The following REEP5 variants were observed in gnomAD, a reference collection of about 807,000 sequenced individuals.
REEP5 encodes receptor expression-enhancing protein 5.
A neutral mutation model predicts 22.4 loss-of-function variants in REEP5; 24 were observed. The observed-to-expected ratio is 1.07, with a 90% CI of 0.78 to 1.51. The LOEUF is 1.51. Among genes scored for constraint, REEP5 ranks in the 40% most tolerant of loss-of-function variants. The pLI, the probability that REEP5 is intolerant of heterozygous loss-of-function variation, is 0.00. For synonymous variants in REEP5, 103 were observed against 88.6 expected, an observed-to-expected ratio of 1.16 and a Z score of -0.92; for missense variants, 252 against 233.0, an observed-to-expected ratio of 1.08 and a Z score of -0.53.
rs141710878 is a variant in REEP5 at position 112,894,159 on chromosome 5, G to A, written c.352-6976C>T. The A allele has an allele frequency of 2.1e-5, 3 of 142,608 alleles. No homozygotes were observed. The Admixed American group carries it at 2.2e-4, about 11-fold the overall frequency. The allele number at this position is 142,608 out of a possible 1,614,324, so 8.8% of individuals were successfully genotyped here. ...TTTTTTTGAGACGGAGTCTTGCTCTGTTGCCAGGCGGGAGTGCAGTGGCGT... is the reference window on the plus strand; with the variant it reads ...TTTTTTTGAGACGGAGTCTTGCTCTATTGCCAGGCGGGAGTGCAGTGGCGT... On this transcript the variant is annotated intron_variant, in intron 3 of 4. Transcript: ENST00000379638.
chr5:112,918,415 T>C (rs1769277590), intron 2 of REEP5, among the ~76,000 whole-genome samples: 2 of 152,138 alleles, frequency 1.3e-5, no homozygotes, highest in African/African-American at 4.8e-5. Context: ...GGAGAAAAGC[T>C]AGGAAGCCAA....
chr5:112,887,748 A>G (rs913980267), intron 3 of REEP5, among the ~76,000 whole-genome samples: 3 of 152,112 alleles, frequency 2.0e-5, no homozygotes, highest in African/African-American at 7.2e-5. Context: ...GAATGTAGTT[A>G]TTATTCCTAA....
rs953597585 is a variant in REEP5, at chr5:112,887,491, A to G, written c.352-308T>C. On this transcript the variant is annotated intron_variant, in intron 3 of 4. Coordinates refer to ENST00000379638, the MANE Select transcript of REEP5 (RefSeq NM_005669.5). Reference sequence around the variant, plus strand: ...TAGCTGTAAGAGGCTTTTATTAATCATAACTCTTAGAAATCAATTTAAGAA... The same window carrying G: ...TAGCTGTAAGAGGCTTTTATTAATCGTAACTCTTAGAAATCAATTTAAGAA... Among the ~76,000 whole-genome samples, 5 of 152,326 alleles carry G rather than the reference A, an allele frequency of 3.3e-5. No homozygotes were observed. In the South Asian group the frequency reaches 6.2e-4, roughly 19 times the overall value.
At position 112,893,113 on chromosome 5, in the gene REEP5, A is replaced by G. The variant is rs761203249; in HGVS notation, c.352-5930T>C. The G allele has an allele frequency of 7.1e-6, 6 of 844,446 alleles. No individual in the cohort carries two copies. In the Admixed American group the frequency reaches 1.5e-4, roughly 21 times the overall value. 52.3% of individuals were successfully genotyped at this position (844,446 alleles called of 1,614,324 possible). Reference sequence around the variant, plus strand: ...TGTTCTTAAAAAAAAAAAAAAAAAAAAAAAGAATGGACCAGGCCAGGTATA... The same window carrying G: ...TGTTCTTAAAAAAAAAAAAAAAAAAGAAAAGAATGGACCAGGCCAGGTATA... On this transcript the variant is annotated intron_variant, in intron 3 of 4. Coordinates refer to ENST00000379638, the MANE Select transcript of REEP5 (RefSeq NM_005669.5).
chr5:112,890,194 G>A (rs995096014), intron 3 of REEP5, among the ~76,000 whole-genome samples: 2 of 150,290 alleles, frequency 1.3e-5, no homozygotes, highest in African/African-American at 5.0e-5. Context: ...GGAGGTTGAG[G>A]TGGGAGGGTG....
At chr5:112,880,631 G>T (rs1366996813) in intron 4 of REEP5, among the ~76,000 whole-genome samples, 2 of 152,190 alleles carry the variant, frequency 1.3e-5, no homozygotes, top group Non-Finnish European at 2.9e-5. Context: ...AAATGTGGCA[G>T]CATGTAAATT....
intron 3 of REEP5, chr5:112,892,964 G>T: frequency 6.3e-7 from 1 of 1,594,798 alleles, no homozygotes; most frequent in Non-Finnish European, 8.6e-7. Context: ...GGCCGCCGGA[G>T]CCAGAGCCGC....
intron 3 of REEP5, among the ~76,000 whole-genome samples, chr5:112,902,017 T>A (rs1768860904): frequency 6.7e-6 from 1 of 149,580 alleles, no homozygotes; most frequent in South Asian, 2.1e-4. Context: ...GAATTATATA[T>A]CCATAATTAA....
intron 3 of REEP5, chr5:112,895,819 T>C (rs1768664293): frequency 6.6e-6 from 1 of 152,206 alleles, no homozygotes; most frequent in Non-Finnish European, 1.5e-5. Flanking sequence ...ATCTGGCTCT[T>C]TTCAATCAAG....
intron 4 of REEP5, among the ~76,000 whole-genome samples, chr5:112,880,504 CT>C (rs1768038536): frequency 6.6e-6 from 1 of 152,192 alleles, no homozygotes; most frequent in South Asian, 2.1e-4. Flanking sequence ...GTTGCTCTCC[CT>C]TTGCTCAGTT....
At chr5:112,908,307 T>C (rs951800256) in intron 2 of REEP5, among the ~76,000 whole-genome samples, 29 of 152,012 alleles carry the variant, frequency 1.9e-4, no homozygotes, top group Admixed American at 1.6e-3. Flanking sequence ...TTCACCATGT[T>C]GGCCAAGTTG....
At chr5:112,889,810 C>T (rs1013401816) in intron 3 of REEP5, among the ~76,000 whole-genome samples, 1 of 144,690 alleles carries the variant, frequency 6.9e-6, no homozygotes, top group Non-Finnish European at 1.5e-5. Flanking sequence ...AGGGAGACCA[C>T]ATCTCTAGGA....
chr5:112,901,526 T>G (rs964942631), intron 3 of REEP5, among the ~76,000 whole-genome samples: 4 of 151,848 alleles, frequency 2.6e-5, no homozygotes, highest in Admixed American at 6.6e-5. Flanking sequence ...CTGGCCAACA[T>G]GGTGAAACTC....
At chr5:112,904,661 C>T (rs1768916951) in intron 2 of REEP5, among the ~76,000 whole-genome samples, 1 of 152,180 alleles carries the variant, frequency 6.6e-6, no homozygotes, top group African/African-American at 2.4e-5. Context: ...CATTTTACAT[C>T]ATGATCCAGT....
rs1235084393 is a variant in REEP5 at position 112,877,044 on chromosome 5, A to G, written c.*1742T>C. 1.3e-5 allele frequency: 2 copies of G among 152,114 alleles called. No individual in the cohort carries two copies. Among genetic ancestry groups the G allele is most frequent in the African/African-American group, 2.4e-5 (1 of 41,412 alleles). 9.4% of individuals were successfully genotyped at this position (152,114 alleles called of 1,614,324 possible). On this transcript the variant is annotated 3_prime_UTR_variant, in exon 5 of 5. Transcript: ENST00000379638. ...TTTTATTTATGGGAAAAGGATTTAA[A>G]TACTCCTAGATACTTAAAATTTTTT...
In REEP5 at chr5:112,903,092, T is replaced by C. The variant is rs141909616; in HGVS notation, c.213-574A>G. 2.0e-5 allele frequency among the ~76,000 whole-genome samples: 3 copies of C among 152,318 alleles called. No individual in the cohort carries two copies. The East Asian group carries it at 5.8e-4, about 29-fold the overall frequency. On this transcript the variant is annotated intron_variant, in intron 2 of 4. Coordinates refer to ENST00000379638, the MANE Select transcript of REEP5 (RefSeq NM_005669.5). The stretch of plus-strand genomic sequence containing the variant: ...CTGATCCACAGGCTATGGACTTTCC[T>C]CCTCTCCTCAGTTAATAACAGGACT...
intron 3 of REEP5, among the ~76,000 whole-genome samples, chr5:112,899,443 CCTGTATAA>C (rs1169661791): frequency 6.6e-6 from 1 of 152,090 alleles, no homozygotes; most frequent in Non-Finnish European, 1.5e-5. Flanking sequence ...GCACAACTGT[CCTGTATAA>C]CTTTTCATAA....
In REEP5 at chr5:112,877,443, C is replaced by G. The variant is rs572568219; in HGVS notation, c.*1343G>C. On this transcript the variant is annotated 3_prime_UTR_variant, in exon 5 of 5. Coordinates refer to ENST00000379638, the MANE Select transcript of REEP5 (RefSeq NM_005669.5). ...GATTTTCTAGTCCAGACAAATTGCT[C>G]TCTATAACGATTTGGCAGATCAATG... The G allele has an allele frequency of 6.6e-6, 1 of 152,262 alleles. No individual in the cohort carries two copies. The highest frequency in any genetic ancestry group is 1.9e-4 in the East Asian group (1 of 5,184). 9.4% of individuals were successfully genotyped at this position (152,262 alleles called of 1,614,324 possible).
intron 4 of REEP5, among the ~76,000 whole-genome samples, chr5:112,883,640 C>A (rs1768143420): frequency 6.6e-6 from 1 of 152,082 alleles, no homozygotes; most frequent in African/African-American, 2.4e-5. Flanking sequence ...AGCTTGTGGC[C>A]CCCAAATTTA....
Sources: gnomAD v4.1 joint callset for allele counts (sites outside exome capture counted in the v4.1 genomes callset) on GRCh38, gnomAD v4.1.1 for gene constraint, MANE v1.5 for transcripts, NCBI Gene and HGNC (gene_info 2026-07-23, HGNC 2026-07-21) for gene names.